The following GNAQ variants were observed in gnomAD, a reference collection of about 807,000 sequenced individuals.
GNAQ encodes G protein subunit alpha q.
GNAQ carries 8 observed loss-of-function variants against 43.9 expected under a neutral mutation model. The observed-to-expected ratio is 0.18, with a 90% CI of 0.11 to 0.33. GNAQ has a LOEUF of 0.33. Among genes scored for constraint, GNAQ ranks in the 10% least tolerant of loss-of-function variants. GNAQ has a pLI of 1.00. For synonymous variants in GNAQ, 155 were observed against 170.7 expected (o/e 0.91, Z 0.71); for missense variants, 158 against 450.8 (o/e 0.35, Z 5.88).
intron 1 of GNAQ, among the ~76,000 whole-genome samples, chr9:78,017,734 A>T (rs1473698018): frequency 6.6e-6 from 1 of 152,236 alleles, no homozygotes; most frequent in Non-Finnish European, 1.5e-5. Flanking sequence ...GGAAAACAAC[A>T]GACTGGGGTT....
chr9:77,762,413 C>T (rs1374874026), intron 5 of GNAQ, among the ~76,000 whole-genome samples: 1 of 127,002 alleles, frequency 7.9e-6, no homozygotes, highest in Non-Finnish European at 1.6e-5. Context: ...CCACCCCATC[C>T]GGGAGGGAGG....
intron 2 of GNAQ, among the ~76,000 whole-genome samples, chr9:77,818,999 C>A (rs1827064769): frequency 2.6e-5 from 2 of 78,346 alleles, no homozygotes; most frequent in Non-Finnish European, 2.3e-5. Flanking sequence ...AATACCATCT[C>A]TCCAAAAAAA....
At chr9:77,814,315 C>G (rs1826977299) in intron 3 of GNAQ, among the ~76,000 whole-genome samples, 1 of 151,788 alleles carries the variant, frequency 6.6e-6, no homozygotes, top group African/African-American at 2.4e-5. Flanking sequence ...GCATGCAGGA[C>G]AGCAGAAGAG....
At chr9:77,774,679 A>G (rs1022934430) in intron 5 of GNAQ, among the ~76,000 whole-genome samples, 3 of 151,826 alleles carry the variant, frequency 2.0e-5, no homozygotes, top group African/African-American at 7.3e-5. Context: ...TCCAGGTTGG[A>G]CTCCAACTCC....
At chr9:77,837,056 G>A (rs1338169559) in intron 2 of GNAQ, among the ~76,000 whole-genome samples, 1 of 152,182 alleles carries the variant, frequency 6.6e-6, no homozygotes, top group African/African-American at 2.4e-5. Context: ...GAGAATAAAT[G>A]GACATATGAA....
intron 5 of GNAQ, among the ~76,000 whole-genome samples, chr9:77,767,279 G>C (rs923725717): frequency 8.9e-4 from 135 of 152,212 alleles, no homozygotes; most frequent in African/African-American, 3.2e-3. Context: ...TGCCGCAAGA[G>C]GTTCAGCAGC....
chr9:77,856,933 G>A lies in GNAQ; in HGVS notation c.322-41163C>T, dbSNP rs11145587. 7.6e-3 allele frequency among the ~76,000 whole-genome samples: 1,155 copies of A among 152,294 alleles called. 17 individuals carry two copies. Among genetic ancestry groups the A allele is most frequent in the Non-Finnish European group, 0.013 (856 of 68,026 alleles). ...AGCTGAAAGGGAATTTGTAAAGAGG[G>A]TGGAAATAGTCTGTGAAACCAAGAG... is the stretch of plus-strand genomic sequence containing the variant. On this transcript the variant is annotated intron_variant, in intron 2 of 6. Transcript: ENST00000286548.
chr9:77,803,229 TTCTGAATAAAAATG>T (rs1305623825), intron 3 of GNAQ, among the ~76,000 whole-genome samples: 1 of 152,196 alleles, frequency 6.6e-6, no homozygotes, highest in African/African-American at 2.4e-5. Flanking sequence ...AATAACCAAG[TTCTGAATAAAAATG>T]TCTCTGACAA....
intron 2 of GNAQ, among the ~76,000 whole-genome samples, chr9:77,916,959 A>G (rs1828917430): frequency 6.6e-6 from 1 of 152,244 alleles, no homozygotes; most frequent in African/African-American, 2.4e-5. Context: ...CACAGTTCAT[A>G]GAGATTATAA....
intron 1 of GNAQ, among the ~76,000 whole-genome samples, chr9:77,963,866 GCTT>G (rs753835878): frequency 1.3e-5 from 2 of 151,888 alleles, no homozygotes; most frequent in African/African-American, 4.8e-5. Flanking sequence ...TCCTAATTTG[GCTT>G]CTTCTGACTT....
chr9:77,780,412 T>C (rs1259795529), intron 5 of GNAQ, among the ~76,000 whole-genome samples: 2 of 149,772 alleles, frequency 1.3e-5, no homozygotes, highest in Admixed American at 6.8e-5. Flanking sequence ...CCTCCAATTC[T>C]ATCCATGTTG....
chr9:77,830,909 AAG>A (rs1408773574), intron 2 of GNAQ, among the ~76,000 whole-genome samples: 2 of 152,198 alleles, frequency 1.3e-5, no homozygotes, highest in Non-Finnish European at 2.9e-5. Context: ...CCTTTAAAGA[AAG>A]AGTTTCAGTG....
chr9:77,848,893 C>T (rs1249185848), intron 2 of GNAQ, among the ~76,000 whole-genome samples: 5 of 152,148 alleles, frequency 3.3e-5, no homozygotes, highest in Admixed American at 6.5e-5. Flanking sequence ...AGATAAATAC[C>T]CGACAGCAAA....
At position 78,030,129 on chromosome 9, in the gene GNAQ, T is replaced by C. The variant is rs547813257; in HGVS notation, c.136+971A>G. Reference sequence around the variant, plus strand: ...TTCCCGTTTTTCCTTCTCGCCCAGATTCCAAAGACATTAAAATGCTATCTG... The same window carrying C: ...TTCCCGTTTTTCCTTCTCGCCCAGACTCCAAAGACATTAAAATGCTATCTG... On this transcript the variant is annotated intron_variant, in intron 1 of 6. Transcript: ENST00000286548. Among the ~76,000 whole-genome samples, 4 of 152,328 alleles carry C rather than the reference T, an allele frequency of 2.6e-5. No individual in the cohort carries two copies. In the East Asian group the frequency reaches 7.7e-4, roughly 29 times the overall value.
At chr9:77,905,194 ATAC>A (rs542912889) in intron 2 of GNAQ, among the ~76,000 whole-genome samples, 1 of 152,234 alleles carries the variant, frequency 6.6e-6, no homozygotes, top group Non-Finnish European at 1.5e-5. Flanking sequence ...GTTATCAGAT[ATAC>A]TTAAAAGATT....
At chr9:77,808,747 C>T (rs1461036879) in intron 3 of GNAQ, among the ~76,000 whole-genome samples, 1 of 152,016 alleles carries the variant, frequency 6.6e-6, no homozygotes, top group African/African-American at 2.4e-5. Flanking sequence ...GAAAGTGACG[C>T]TTAGTCAATG....
In GNAQ at chr9:77,788,070, C is replaced by G. The variant is rs1029565305; in HGVS notation, c.735+6393G>C. On this transcript the variant is annotated intron_variant, in intron 5 of 6. Coordinates refer to ENST00000286548, the MANE Select transcript of GNAQ (RefSeq NM_002072.5). ...AGACAAAACAAAACACACCCAAAAC[C>G]CTTCTGCAAAATAAACAAAATGAAA... Among the ~76,000 whole-genome samples the G allele has an allele frequency of 1.1e-4, 16 of 152,138 alleles. No homozygotes were observed. In the East Asian group the frequency reaches 1.5e-3, roughly 15 times the overall value.
At chr9:77,754,046 A>G (rs1825859795) in intron 5 of GNAQ, among the ~76,000 whole-genome samples, 1 of 152,168 alleles carries the variant, frequency 6.6e-6, no homozygotes, top group South Asian at 2.1e-4. Context: ...GTGATGCTGG[A>G]GAAGTGTAAA....
chr9:77,920,039 T>A (rs1308793524), intron 2 of GNAQ, among the ~76,000 whole-genome samples: 2 of 151,950 alleles, frequency 1.3e-5, no homozygotes. Context: ...CTTGGGATGC[T>A]GAGGCAGGAG....
Sources: allele counts gnomAD v4.1 joint callset (sites outside exome capture counted in the v4.1 genomes callset), GRCh38; gene constraint gnomAD v4.1.1; transcripts MANE v1.5; gene names NCBI Gene and HGNC (gene_info 2026-07-23, HGNC 2026-07-21).